CREB5: variants seen among roughly 807,000 people sequenced by gnomAD.
The protein encoded by CREB5 is cAMP responsive element binding protein 5.
In CREB5, 19 loss-of-function variants were observed where a neutral mutation model predicts 57.1. The observed-to-expected ratio is 0.33, with a 90% CI of 0.23 to 0.49. The LOEUF (loss-of-function observed/expected upper bound fraction) is 0.49, where lower values mean the gene tolerates loss of function less well. Among genes scored for constraint, CREB5 ranks in the 20% least tolerant of loss-of-function variants. The pLI is 0.99. For missense variants in CREB5, 579 were observed against 671.6 expected, an observed-to-expected ratio of 0.86 and a Z score of 1.52; for synonymous variants, 238 against 238.3, an observed-to-expected ratio of 1.00 and a Z score of 0.01.
chr7:28,737,559 A>ATG (rs1804076857), intron 7 of CREB5, among the ~76,000 whole-genome samples: 9 of 108,590 alleles, frequency 8.3e-5, no homozygotes, highest in African/African-American at 2.8e-4. Flanking sequence ...ATATATATAT[A>ATG]TATATATATA....
chr7:28,794,965 G>C (rs1470396235), intron 7 of CREB5, among the ~76,000 whole-genome samples: 1 of 152,162 alleles, frequency 6.6e-6, no homozygotes, highest in Non-Finnish European at 1.5e-5. Context: ...TACTCCCCTA[G>C]AGAAAAATCC....
chr7:28,348,360 G>A (rs1472440671), intron 1 of CREB5, among the ~76,000 whole-genome samples: 1 of 150,740 alleles, frequency 6.6e-6, no homozygotes, highest in African/African-American at 2.4e-5. Flanking sequence ...TGATCAACAT[G>A]CGCCTGCTTT....
In CREB5 at chr7:28,398,593, C is replaced by T. The variant is rs564513121; in HGVS notation, c.-24-96313C>T. The stretch of plus-strand genomic sequence containing the variant: ...GAATATATATTGCTTTATAGCAAAT[C>T]GCATGCTGGACTTAGTGTCTTTCTA... On this transcript the variant is annotated intron_variant, in intron 1 of 9. Transcript: ENST00000396299. Among the ~76,000 whole-genome samples, 210 of 152,284 alleles carry T rather than the reference C, an allele frequency of 1.4e-3. 1 individual carries two copies. Among genetic ancestry groups the T allele is most frequent in the Admixed American group, 2.9e-3 (44 of 15,294 alleles).
intron 1 of CREB5, among the ~76,000 whole-genome samples, chr7:28,351,391 G>C (rs1786182054): frequency 6.6e-6 from 1 of 152,198 alleles, no homozygotes; most frequent in African/African-American, 2.4e-5. Context: ...CATACTGCTA[G>C]ACTACGTGAA....
chr7:28,792,893 T>C (rs755261814), intron 7 of CREB5, among the ~76,000 whole-genome samples: 10 of 152,156 alleles, frequency 6.6e-5, no homozygotes, highest in Non-Finnish European at 1.2e-4. Context: ...GCTGTTTGGG[T>C]GGTCAGGTGA....
intron 1 of CREB5, among the ~76,000 whole-genome samples, chr7:28,325,010 G>A (rs926480468): frequency 6.6e-6 from 1 of 152,088 alleles, no homozygotes; most frequent in Admixed American, 6.6e-5. Context: ...TCCCTAAACT[G>A]CCCACTTCTT....
chr7:28,671,750 C>T lies in CREB5; in HGVS notation c.465-47003C>T, dbSNP rs959618931. ...CTGAGTGTGTGACTGGACTCTGCCA[C>T]GTGCCAGCTGTGTGACCTTGGGCAA... is the stretch of plus-strand genomic sequence containing the variant. On this transcript the variant is annotated intron_variant, in intron 5 of 10. Transcript: ENST00000357727. Among the ~76,000 whole-genome samples, 9 of 152,296 alleles carry T rather than the reference C, an allele frequency of 5.9e-5. No individual in the cohort carries two copies. The East Asian group carries it at 7.7e-4, about 13-fold the overall frequency.
At chr7:28,307,369 C>T (rs1247544841) in intron 1 of CREB5, among the ~76,000 whole-genome samples, 1 of 152,200 alleles carries the variant, frequency 6.6e-6, no homozygotes, top group Non-Finnish European at 1.5e-5. Context: ...TTCCATCCCT[C>T]CCAGCATGTG....
At chr7:28,480,705 G>T (rs1277512866) in intron 1 of CREB5, among the ~76,000 whole-genome samples, 1 of 152,156 alleles carries the variant, frequency 6.6e-6, no homozygotes, top group Non-Finnish European at 1.5e-5. Context: ...ATAAACTTTT[G>T]TTTTAGAGAT....
chr7:28,581,970 T>G (rs1472074304), intron 5 of CREB5, among the ~76,000 whole-genome samples: 1 of 152,236 alleles, frequency 6.6e-6, no homozygotes, highest in Non-Finnish European at 1.5e-5. Context: ...CTTCTTTTGC[T>G]ATTACCCTTT....
chr7:28,515,465 G>A (rs1792902253), intron 4 of CREB5, among the ~76,000 whole-genome samples: 1 of 152,126 alleles, frequency 6.6e-6, no homozygotes, highest in Admixed American at 6.5e-5. Context: ...ATAAATATTG[G>A]TCTCTAGCCT....
chr7:28,593,753 T>C (rs1052122672), intron 5 of CREB5, among the ~76,000 whole-genome samples: 2 of 152,180 alleles, frequency 1.3e-5, no homozygotes, highest in Admixed American at 6.5e-5. Context: ...AGATGTGCCA[T>C]AGGTGATAAC....
chr7:28,350,781 A>C (rs995158169), intron 1 of CREB5, among the ~76,000 whole-genome samples: 1 of 151,928 alleles, frequency 6.6e-6, no homozygotes, highest in African/African-American at 2.4e-5. Context: ...GGAGGAAGCC[A>C]AGCTGCAGAA....
chr7:28,380,644 C>G (rs1192913900), intron 1 of CREB5, among the ~76,000 whole-genome samples: 1 of 152,154 alleles, frequency 6.6e-6, no homozygotes, highest in East Asian at 1.9e-4. Flanking sequence ...AACTCTGACC[C>G]AGACTTGTAG....
In CREB5 at chr7:28,780,683, T is replaced by A. The variant is rs553505188; in HGVS notation, c.703-23516T>A. 3.9e-5 allele frequency among the ~76,000 whole-genome samples: 6 copies of A among 152,232 alleles called. No homozygotes were observed. The South Asian group carries it at 6.2e-4, about 16-fold the overall frequency. On this transcript the variant is annotated intron_variant, in intron 7 of 10. Transcript: ENST00000357727. ...ATTGCAGTGTGCCGAGATCGTGTAA[T>A]TGCACTCCAGCCTGGGCCACAGATT...
intron 1 of CREB5, among the ~76,000 whole-genome samples, chr7:28,425,280 T>C (rs1011874476): frequency 1.3e-5 from 2 of 151,986 alleles, no homozygotes; most frequent in Non-Finnish European, 2.9e-5. Context: ...AAAAAACTAC[T>C]GAAATATACT....
chr7:28,674,778 A>C (rs1479519467), intron 5 of CREB5, among the ~76,000 whole-genome samples: 1 of 152,254 alleles, frequency 6.6e-6, no homozygotes, highest in Non-Finnish European at 1.5e-5. Context: ...TCCCTCTGAC[A>C]GTCTGTTCTC....
At chr7:28,733,594 A>C (rs552392849) in intron 7 of CREB5, among the ~76,000 whole-genome samples, 1 of 152,200 alleles carries the variant, frequency 6.6e-6, no homozygotes, top group South Asian at 2.1e-4. Flanking sequence ...CCAGGTGGGC[A>C]GGAGCCATGC....
Position 28,554,083 on chromosome 7 carries a change from T to G in CREB5, c.292-16282T>G, listed in dbSNP as rs188201951. Among the ~76,000 whole-genome samples, 504 of 152,338 alleles carry G rather than the reference T, an allele frequency of 3.3e-3. 4 individuals carry two copies. The highest frequency in any genetic ancestry group is 0.027 in the Middle Eastern group (8 of 294). On this transcript the variant is annotated intron_variant, in intron 4 of 10. Coordinates refer to ENST00000357727, the MANE Select transcript of CREB5 (RefSeq NM_182898.4). ...ATAATTACCTTACTGATCCAGTGTA[T>G]GGAGATCCAAATAGGAACATGAAAT...
Sources: allele counts gnomAD v4.1 joint callset (sites outside exome capture counted in the v4.1 genomes callset), GRCh38; gene constraint gnomAD v4.1.1; transcripts MANE v1.5; gene names NCBI Gene and HGNC (gene_info 2026-07-23, HGNC 2026-07-21).